HDAC4: variants seen among roughly 807,000 people sequenced by gnomAD.
The protein encoded by HDAC4 is histone deacetylase 4, also known as histone deacetylase A.
A neutral mutation model predicts 135.1 loss-of-function variants in HDAC4; 16 were observed. That is an observed-to-expected ratio of 0.12 (90% CI 0.08 to 0.18). HDAC4 has a LOEUF of 0.18. HDAC4 is among the 10% of genes least tolerant of loss of function. The pLI, the probability that HDAC4 is intolerant of heterozygous loss-of-function variation, is 1.00. For synonymous variants in HDAC4, 685 were observed against 653.4 expected, an observed-to-expected ratio of 1.05 and a Z score of -0.74; for missense variants, 1,143 against 1,511.8, an observed-to-expected ratio of 0.76 and a Z score of 4.05.
chr2:239,154,363 T>A (rs539431643), intron 7 of HDAC4, among the ~76,000 whole-genome samples: 2 of 152,150 alleles, frequency 1.3e-5, no homozygotes, highest in African/African-American at 4.8e-5. Flanking sequence ...CGTGAGGATG[T>A]GGGTGTGGGC....
At chr2:239,157,859 T>C (rs1038450503) in intron 6 of HDAC4, among the ~76,000 whole-genome samples, 4 of 152,108 alleles carry the variant, frequency 2.6e-5, no homozygotes, top group South Asian at 2.1e-4. Context: ...ATAGACAAAA[T>C]TGAGGAGCCG....
intron 5 of HDAC4, among the ~76,000 whole-genome samples, chr2:239,174,636 C>A (rs1025513555): frequency 2.0e-5 from 3 of 152,182 alleles, no homozygotes; most frequent in Non-Finnish European, 4.4e-5. Context: ...TTCAACAACT[C>A]CACTTCACAT....
chr2:239,065,683 C>CGGG (rs2033382609), intron 24 of HDAC4, among the ~76,000 whole-genome samples: 1 of 152,228 alleles, frequency 6.6e-6, no homozygotes, highest in East Asian at 1.9e-4. Flanking sequence ...CTGGCAAGGC[C>CGGG]TCTGCATCTG....
At chr2:239,170,600 C>T (rs140577807) in intron 5 of HDAC4, among the ~76,000 whole-genome samples, 162 of 152,332 alleles carry the variant, frequency 1.1e-3, no homozygotes, top group African/African-American at 3.8e-3. Context: ...ACTCCAAGCA[C>T]ATGGTGTTTT....
At chr2:239,300,435 C>T (rs1166485444) in intron 2 of HDAC4, among the ~76,000 whole-genome samples, 1 of 152,234 alleles carries the variant, frequency 6.6e-6, no homozygotes, top group Non-Finnish European at 1.5e-5. Flanking sequence ...AACAGTCAGG[C>T]ATGACCAGTG....
chr2:239,325,969 A>G (rs1401353517), intron 2 of HDAC4, among the ~76,000 whole-genome samples: 1 of 151,816 alleles, frequency 6.6e-6, no homozygotes, highest in Non-Finnish European at 1.5e-5. Flanking sequence ...AAAAAAAAAT[A>G]ATAATAAATT....
intron 2 of HDAC4, among the ~76,000 whole-genome samples, chr2:239,281,849 C>T (rs1331761915): frequency 1.3e-5 from 2 of 149,540 alleles, no homozygotes; most frequent in Non-Finnish European, 3.0e-5. Flanking sequence ...ACAATGAACA[C>T]ACCACTCTAC....
At chr2:239,088,166 C>T (rs976505261) in intron 18 of HDAC4, among the ~76,000 whole-genome samples, 3 of 152,222 alleles carry the variant, frequency 2.0e-5, no homozygotes, top group Admixed American at 1.3e-4. Flanking sequence ...TGGGCAGAAA[C>T]GCTGTCCTCT....
chr2:239,191,321 C>G (rs1026771620), intron 3 of HDAC4, among the ~76,000 whole-genome samples: 1 of 152,226 alleles, frequency 6.6e-6, no homozygotes, highest in Admixed American at 6.5e-5. Flanking sequence ...CCACGTTCAC[C>G]CTGACACTCA....
At chr2:239,136,796 CA>C (rs1309903718) in intron 9 of HDAC4, among the ~76,000 whole-genome samples, 1 of 152,186 alleles carries the variant, frequency 6.6e-6, no homozygotes, top group Non-Finnish European at 1.5e-5. Context: ...CTTCTCCTGA[CA>C]AACACTTACA....
At chr2:239,376,307 G>A (rs1000154696) in intron 1 of HDAC4, among the ~76,000 whole-genome samples, 2 of 152,040 alleles carry the variant, frequency 1.3e-5, no homozygotes, top group Non-Finnish European at 2.9e-5. Flanking sequence ...GGAAGGTGCT[G>A]TGTGCTCACA....
chr2:239,368,522 C>T (rs577816954), intron 1 of HDAC4, among the ~76,000 whole-genome samples: 6 of 152,246 alleles, frequency 3.9e-5, no homozygotes, highest in East Asian at 3.9e-4. Flanking sequence ...TGGAAACTGA[C>T]GTGTCCCAGC....
At chr2:239,087,080 G>A (rs1276261950) in intron 19 of HDAC4, among the ~76,000 whole-genome samples, 3 of 152,216 alleles carry the variant, frequency 2.0e-5, no homozygotes, top group Admixed American at 6.5e-5. Context: ...TGTATGGACC[G>A]TCGGCAGTCT....
intron 24 of HDAC4, among the ~76,000 whole-genome samples, chr2:239,065,141 G>A (rs1405995125): frequency 6.6e-6 from 1 of 152,222 alleles, no homozygotes; most frequent in Non-Finnish European, 1.5e-5. Context: ...TGCACAGAGT[G>A]TCCTGGGATG....
chr2:239,058,675 T>C (rs552870341), intron 24 of HDAC4, among the ~76,000 whole-genome samples: 2 of 152,360 alleles, frequency 1.3e-5, no homozygotes, highest in South Asian at 4.1e-4. Flanking sequence ...CGAAAGGGCA[T>C]AATGATGTCA....
In HDAC4 at chr2:239,306,367, T is replaced by C. The variant is rs942912678; in HGVS notation, c.22+46311A>G. 6.6e-6 allele frequency among the ~76,000 whole-genome samples: 1 copy of C among 152,064 alleles called. No individual in the cohort carries two copies. Among genetic ancestry groups the C allele is most frequent in the African/African-American group, 2.4e-5 (1 of 41,390 alleles). On this transcript the variant is annotated intron_variant, in intron 2 of 26. Transcript: ENST00000543185. This position sits in a 1 kb window ranked among gnomAD's most constrained non-coding sequence, Gnocchi z 4.5. ...AGTGACTACAACAGAGGACACAGCC[T>C]TCCAGTGGACACGAGGACCTCAGAG...
At chr2:239,213,382 G>A (rs769808279) in intron 3 of HDAC4, among the ~76,000 whole-genome samples, 3 of 152,174 alleles carry the variant, frequency 2.0e-5, no homozygotes, top group Non-Finnish European at 4.4e-5. Flanking sequence ...CGGTGCCCGC[G>A]CCCCTCATTC....
chr2:239,209,994 G>A (rs1204533170), intron 3 of HDAC4, among the ~76,000 whole-genome samples: 1 of 152,170 alleles, frequency 6.6e-6, no homozygotes, highest in Non-Finnish European at 1.5e-5. Flanking sequence ...GGGGGCGTGG[G>A]AGCAGCAGCA....
intron 18 of HDAC4, among the ~76,000 whole-genome samples, chr2:239,089,460 T>C (rs1445906236): frequency 3.9e-5 from 6 of 152,180 alleles, no homozygotes; most frequent in Non-Finnish European, 2.9e-5. Context: ...CCCAAGTAGC[T>C]GGGATTATAG....
Sources: gnomAD v4.1 joint callset for allele counts (sites outside exome capture counted in the v4.1 genomes callset) on GRCh38, gnomAD v4.1.1 for gene constraint, Gnocchi (gnomAD v3.1) non-coding constraint, MANE v1.5 for transcripts, NCBI Gene and HGNC (gene_info 2026-07-23, HGNC 2026-07-21) for gene names.